LHFPL2: variants seen among roughly 807,000 people sequenced by gnomAD.
LHFPL2 encodes the protein LHFPL tetraspan subfamily member 2 protein.
Under a neutral mutation model 17.5 loss-of-function variants are expected in LHFPL2, and 7 were observed. That is an observed-to-expected ratio of 0.40 (90% confidence interval 0.23 to 0.75). The LOEUF is 0.75. LHFPL2 is among the 30% of genes least tolerant of loss of function. The probability of loss-of-function intolerance (pLI) is 0.37; values close to 1 mark genes in which losing one functional copy is unlikely to be tolerated. For synonymous variants in LHFPL2, 134 were observed against 116.2 expected, an observed-to-expected ratio of 1.15 and a Z score of -0.99; for missense variants, 241 against 294.8, an observed-to-expected ratio of 0.82 and a Z score of 1.34.
intron 1 of LHFPL2, among the ~76,000 whole-genome samples, chr5:78,637,132 A>G (rs939602241): frequency 6.6e-6 from 1 of 152,178 alleles, no homozygotes; most frequent in African/African-American, 2.4e-5. Flanking sequence ...CTCCAGACCT[A>G]TGAAGCCAAA....
intron 3 of LHFPL2, among the ~76,000 whole-genome samples, chr5:78,535,421 A>T (rs1304293562): frequency 2.0e-5 from 3 of 152,104 alleles, no homozygotes; most frequent in Admixed American, 2.0e-4. Context: ...TGCCTCCCAA[A>T]GGGAAGAGGG....
At position 78,488,725 on chromosome 5, in the gene LHFPL2, T is replaced by C. The variant is rs1288142621; in HGVS notation, c.*172A>G. 44 of 676,638 alleles carry C rather than the reference T, an allele frequency of 6.5e-5. No homozygotes were observed. The highest frequency in any genetic ancestry group is 1.1e-4 in the Non-Finnish European group (43 of 391,416). The allele number at this position is 676,638 out of a possible 1,614,324, so 41.9% of individuals were successfully genotyped here. A position where few individuals can be genotyped will look rare whatever the true frequency, so the allele number is the denominator to read the frequency against. ...TATAATGTGCACTGCAGACCGCATG[T>C]CCAGTAACTTTGCGTAGCTGGATGT... On this transcript the variant is annotated 3_prime_UTR_variant, in exon 5 of 5. Coordinates refer to ENST00000380345, the MANE Select transcript of LHFPL2 (RefSeq NM_005779.3).
At chr5:78,631,434 G>C (rs1304374144) in intron 2 of LHFPL2, among the ~76,000 whole-genome samples, 1 of 152,176 alleles carries the variant, frequency 6.6e-6, no homozygotes, top group African/African-American at 2.4e-5. Flanking sequence ...TTGAAAATCT[G>C]CTCCATGCCA....
At chr5:78,593,387 C>T (rs535016342) in intron 2 of LHFPL2, among the ~76,000 whole-genome samples, 3 of 152,170 alleles carry the variant, frequency 2.0e-5, no homozygotes, top group South Asian at 2.1e-4. Flanking sequence ...CTCTTGTTTT[C>T]GATTGAGGAA....
intron 4 of LHFPL2, among the ~76,000 whole-genome samples, chr5:78,506,828 CTA>C (rs1227214860): frequency 1.3e-5 from 2 of 152,194 alleles, no homozygotes; most frequent in Admixed American, 1.3e-4. Context: ...AGCAGTCAAA[CTA>C]TGCAGGAATC....
intron 1 of LHFPL2, among the ~76,000 whole-genome samples, chr5:78,635,453 T>C (rs10068361): frequency 0.43 from 65,051 of 152,010 alleles, 15,861 homozygotes; most frequent in African/African-American, 0.68. Context: ...GTACAGAAAA[T>C]GGATCATTTT....
chr5:78,627,396 C>T (rs768122060), intron 2 of LHFPL2, among the ~76,000 whole-genome samples: 49 of 152,148 alleles, frequency 3.2e-4, no homozygotes, highest in Non-Finnish European at 5.4e-4. Context: ...TTGCTTCCCT[C>T]CCCACAGAAA....
In LHFPL2 at chr5:78,557,710, T is replaced by G. The variant is rs1368848006; in HGVS notation, c.-186+7103A>C. On this transcript the variant is annotated intron_variant, in intron 3 of 4. Transcript: ENST00000380345. ...ATCAAAATCAGGTACGTTTCCAAGT[T>G]CATTCGGACTTGCCAAATAGCCTTA... Among the ~76,000 whole-genome samples, 6 of 152,220 alleles carry G rather than the reference T, an allele frequency of 3.9e-5. No individual in the cohort carries two copies. The East Asian group carries it at 1.2e-3, about 29-fold the overall frequency.
intron 2 of LHFPL2, among the ~76,000 whole-genome samples, chr5:78,628,858 A>G (rs1437806807): frequency 5.3e-5 from 8 of 152,224 alleles, no homozygotes; most frequent in Admixed American, 5.2e-4. Context: ...AGGCGAGGTG[A>G]GCCCTGAAGC....
At chr5:78,529,315 G>A (rs867831328) in intron 3 of LHFPL2, among the ~76,000 whole-genome samples, 4 of 152,130 alleles carry the variant, frequency 2.6e-5, no homozygotes, top group East Asian at 1.9e-4. Context: ...AAAAGTTTGC[G>A]CAGACCAACA....
intron 2 of LHFPL2, among the ~76,000 whole-genome samples, chr5:78,586,169 C>T (rs1024991125): frequency 6.6e-6 from 1 of 152,138 alleles, no homozygotes; most frequent in Non-Finnish European, 1.5e-5. Flanking sequence ...GGTAACTGTC[C>T]ACTTTCCTCT....
chr5:78,603,555 C>T (rs1245418929), intron 2 of LHFPL2, among the ~76,000 whole-genome samples: 2 of 152,092 alleles, frequency 1.3e-5, no homozygotes, highest in Non-Finnish European at 2.9e-5. Context: ...CAGGAATGGA[C>T]CCCAAGAGAG....
At chr5:78,547,336 T>C (rs1273209953) in intron 3 of LHFPL2, among the ~76,000 whole-genome samples, 1 of 152,224 alleles carries the variant, frequency 6.6e-6, no homozygotes, top group Non-Finnish European at 1.5e-5. Flanking sequence ...AAACCCTTCC[T>C]TTCTTTGTTT....
chr5:78,599,999 C>T (rs898875882), intron 2 of LHFPL2, among the ~76,000 whole-genome samples: 1 of 151,896 alleles, frequency 6.6e-6, no homozygotes, highest in Non-Finnish European at 1.5e-5. Flanking sequence ...AGCAACTAAC[C>T]TCTCACTCAG....
chr5:78,602,537 T>C (rs891667137), intron 2 of LHFPL2, among the ~76,000 whole-genome samples: 18 of 152,346 alleles, frequency 1.2e-4, no homozygotes, highest in African/African-American at 3.4e-4. Context: ...CATTTGTTTG[T>C]TCTTTAAGAA....
chr5:78,497,923 C>A (rs1754656473), intron 4 of LHFPL2, among the ~76,000 whole-genome samples: 1 of 152,244 alleles, frequency 6.6e-6, no homozygotes, highest in African/African-American at 2.4e-5. Flanking sequence ...AGGCTCAGAT[C>A]TCTGAAATTG....
At chr5:78,607,168 T>C (rs555584660) in intron 2 of LHFPL2, among the ~76,000 whole-genome samples, 48 of 152,160 alleles carry the variant, frequency 3.2e-4, no homozygotes, top group Non-Finnish European at 5.9e-4. Flanking sequence ...TGGAGTGTAA[T>C]GGCATGATCT....
At chr5:78,505,179 A>G (rs779088655) in intron 4 of LHFPL2, among the ~76,000 whole-genome samples, 12 of 152,236 alleles carry the variant, frequency 7.9e-5, no homozygotes, top group Non-Finnish European at 1.6e-4. Flanking sequence ...TTTGCATTCT[A>G]TGGTTTCACG....
chr5:78,621,148 T>C (rs1744839701), intron 2 of LHFPL2, among the ~76,000 whole-genome samples: 2 of 152,114 alleles, frequency 1.3e-5, no homozygotes, highest in Admixed American at 1.3e-4. Context: ...ATCTCATCAA[T>C]CATAATAAAA....
Sources: allele counts gnomAD v4.1 joint callset (sites outside exome capture counted in the v4.1 genomes callset), GRCh38; gene constraint gnomAD v4.1.1; transcripts MANE v1.5; gene names NCBI Gene and HGNC (gene_info 2026-07-23, HGNC 2026-07-21).